SLC10A7: variants seen among roughly 807,000 people sequenced by gnomAD.
SLC10A7 encodes solute carrier family 10 member 7.
A neutral mutation model predicts 43.2 loss-of-function variants in SLC10A7; 29 were observed. The ratio of observed to expected loss-of-function variants is 0.67; its 90% confidence interval spans 0.50 to 0.92. The LOEUF (loss-of-function observed/expected upper bound fraction) is 0.92. Among genes scored for constraint, SLC10A7 ranks in the 40% least tolerant of loss-of-function variants. The probability of loss-of-function intolerance (pLI) is 0.00; values close to 1 mark genes in which losing one functional copy is unlikely to be tolerated. For missense variants in SLC10A7, 295 were observed against 403.2 expected, an observed-to-expected ratio of 0.73 and a Z score of 2.30; for synonymous variants, 152 against 144.8, an observed-to-expected ratio of 1.05 and a Z score of -0.35.
chr4:146,449,184 G>C (rs1007270069), intron 4 of SLC10A7, among the ~76,000 whole-genome samples: 1 of 152,166 alleles, frequency 6.6e-6, no homozygotes, highest in African/African-American at 2.4e-5. Context: ...CTGGGTGACA[G>C]GGATAGGGAG....
chr4:146,255,068 AC>A lies in SLC10A7; in HGVS notation c.*1422del, dbSNP rs1435307034. On this transcript the variant is annotated 3_prime_UTR_variant, in exon 12 of 12. Transcript: ENST00000335472. The stretch of plus-strand genomic sequence containing the variant: ...TTGTTGTGGGCATAATAACGAAACA[AC>A]AAAAACAGCTGCTGAGGACATAGCA... The A allele has an allele frequency of 2.0e-5, 3 of 152,244 alleles. No individual in the cohort carries two copies. Among genetic ancestry groups the A allele is most frequent in the Non-Finnish European group, 4.4e-5 (3 of 68,040 alleles). The allele number at this position is 152,244 out of a possible 1,614,324, so 9.4% of individuals were successfully genotyped here. A position where few individuals can be genotyped will look rare whatever the true frequency, so the allele number is the denominator to read the frequency against.
chr4:146,400,149 T>C (rs756481361), intron 5 of SLC10A7, among the ~76,000 whole-genome samples: 2 of 152,124 alleles, frequency 1.3e-5, no homozygotes, highest in South Asian at 2.1e-4. Flanking sequence ...AAGAGAAACA[T>C]GTTACAAGCA....
intron 4 of SLC10A7, among the ~76,000 whole-genome samples, chr4:146,473,566 C>T (rs1733774599): frequency 6.6e-6 from 1 of 152,026 alleles, no homozygotes; most frequent in African/African-American, 2.4e-5. Context: ...CTTGAAATTT[C>T]CCCTTAAAAA....
chr4:146,388,044 C>T (rs1450783467), intron 5 of SLC10A7, among the ~76,000 whole-genome samples: 1 of 152,146 alleles, frequency 6.6e-6, no homozygotes, highest in African/African-American at 2.4e-5. Context: ...AAATTACCAA[C>T]ATCATTTTTC....
At chr4:146,370,735 C>T (rs960311295) in intron 5 of SLC10A7, among the ~76,000 whole-genome samples, 4 of 152,194 alleles carry the variant, frequency 2.6e-5, no homozygotes, top group Non-Finnish European at 5.9e-5. Flanking sequence ...TTTTAAACCA[C>T]TCTTCTTACT....
intron 5 of SLC10A7, among the ~76,000 whole-genome samples, chr4:146,330,862 C>T (rs1389831532): frequency 6.6e-6 from 1 of 152,038 alleles, no homozygotes; most frequent in East Asian, 1.9e-4. Context: ...GAAGCTTTCT[C>T]ATGAAGAGAA....
chr4:146,393,153 C>G (rs1302040773), intron 5 of SLC10A7, among the ~76,000 whole-genome samples: 2 of 134,792 alleles, frequency 1.5e-5, no homozygotes, highest in Admixed American at 1.6e-4. Flanking sequence ...GATCATGCCA[C>G]CACACTCCAG....
At chr4:146,311,221 A>G (rs1009193035) in intron 6 of SLC10A7, among the ~76,000 whole-genome samples, 4 of 152,168 alleles carry the variant, frequency 2.6e-5, no homozygotes, top group Admixed American at 2.6e-4. Context: ...TTCATCTGAA[A>G]GAATCTGGGG....
intron 4 of SLC10A7, among the ~76,000 whole-genome samples, chr4:146,499,447 A>G (rs1233886215): frequency 6.6e-6 from 1 of 152,182 alleles, no homozygotes; most frequent in African/African-American, 2.4e-5. Context: ...ATTCTTTCCA[A>G]TATATTATAC....
rs147077734 is a variant in SLC10A7, at chr4:146,324,710, G to A, written c.471+1251C>T. On this transcript the variant is annotated intron_variant, in intron 6 of 11. Transcript: ENST00000335472. ...AGGTCTTGGAAATAAACTAATGGAT[G>A]ATTCCAGTTTCTCACATCTAGTAGC... 3.9e-3 allele frequency among the ~76,000 whole-genome samples: 597 copies of A among 152,240 alleles called. 2 individuals carry two copies. The highest frequency in any genetic ancestry group is 0.013 in the African/African-American group (547 of 41,530).
At chr4:146,425,516 T>C (rs1185461818) in intron 5 of SLC10A7, among the ~76,000 whole-genome samples, 1 of 152,208 alleles carries the variant, frequency 6.6e-6, no homozygotes, top group Non-Finnish European at 1.5e-5. Flanking sequence ...TAGCCACATG[T>C]GGCTTGTGGA....
chr4:146,515,777 G>A (rs2150055986), intron 2 of SLC10A7, among the ~76,000 whole-genome samples: 1 of 152,144 alleles, frequency 6.6e-6, no homozygotes, highest in South Asian at 2.1e-4. Flanking sequence ...GGGCGTGGTG[G>A]TGGGTGCCTG....
rs374906663 is a variant in SLC10A7, at chr4:146,342,861, T to G, written c.436-16865A>C. Among the ~76,000 whole-genome samples, 34 of 151,894 alleles carry G rather than the reference T, an allele frequency of 2.2e-4. No homozygotes were observed. In the East Asian group the frequency reaches 4.1e-3, roughly 18 times the overall value. On this transcript the variant is annotated intron_variant, in intron 5 of 11. Coordinates refer to ENST00000335472, the MANE Select transcript of SLC10A7 (RefSeq NM_001029998.6). ...TTTGACAAATTAGTTGTGTGGTTGA[T>G]TCTATATATTTAAATATACATTAAA... is the stretch of plus-strand genomic sequence containing the variant.
intron 4 of SLC10A7, among the ~76,000 whole-genome samples, chr4:146,453,751 G>T (rs1197764756): frequency 4.6e-5 from 7 of 151,826 alleles, no homozygotes; most frequent in Non-Finnish European, 8.8e-5. Flanking sequence ...AAAAGTAAAA[G>T]GACATCTTAA....
chr4:146,378,746 C>T (rs1339683518), intron 5 of SLC10A7, among the ~76,000 whole-genome samples: 2 of 152,110 alleles, frequency 1.3e-5, no homozygotes, highest in Non-Finnish European at 2.9e-5. Context: ...AGTCATTTAA[C>T]AAAGTGGTTC....
At position 146,254,688 on chromosome 4, in the gene SLC10A7, G is replaced by A. The variant is rs1463074374; in HGVS notation, c.*1803C>T. The A allele has an allele frequency of 6.6e-6, 1 of 152,188 alleles. No homozygotes were observed. Among genetic ancestry groups the A allele is most frequent in the Non-Finnish European group, 1.5e-5 (1 of 68,026 alleles). 9.4% of individuals were successfully genotyped at this position (152,188 alleles called of 1,614,324 possible). A position where few individuals can be genotyped will look rare whatever the true frequency, so the allele number is the denominator to read the frequency against. On this transcript the variant is annotated 3_prime_UTR_variant, in exon 12 of 12. Transcript: ENST00000335472. Reference sequence around the variant, plus strand: ...TCAGTATTTTAATGTTAGGGAGAAAGATTTTTATGATAGGGCAGATAGATG... The same window carrying A: ...TCAGTATTTTAATGTTAGGGAGAAAAATTTTTATGATAGGGCAGATAGATG...
At position 146,258,680 on chromosome 4, in the gene SLC10A7, CT is replaced by C. The variant is rs759282246; in HGVS notation, c.993+11del. 6.4e-7 allele frequency: 1 copy of C among 1,573,640 alleles called. No homozygotes were observed. The highest frequency in any genetic ancestry group is 8.6e-7 in the Non-Finnish European group (1 of 1,168,478). On this transcript the variant is annotated intron_variant, in intron 11 of 11. Transcript: ENST00000335472. ...TAACTTGGATCCAAATAAGATCTTT[CT>C]GGGGACTCACCTTCTGCCTTGATAC...
At chr4:146,432,323 G>T (rs10001383) in intron 5 of SLC10A7, among the ~76,000 whole-genome samples, 1 of 152,070 alleles carries the variant, frequency 6.6e-6, no homozygotes, top group Non-Finnish European at 1.5e-5. Context: ...AACCTGTACA[G>T]AAATATTTAT....
intron 5 of SLC10A7, among the ~76,000 whole-genome samples, chr4:146,362,933 CAG>C (rs1445167389): frequency 6.6e-6 from 1 of 151,008 alleles, no homozygotes; most frequent in Non-Finnish European, 1.5e-5. Flanking sequence ...CAAAAGAAAA[CAG>C]AAAGAAAATA....
Sources: gnomAD v4.1 joint callset for allele counts (sites outside exome capture counted in the v4.1 genomes callset) on GRCh38, gnomAD v4.1.1 for gene constraint, MANE v1.5 for transcripts, NCBI Gene and HGNC (gene_info 2026-07-23, HGNC 2026-07-21) for gene names.